Variants in INTS13 observed in about 807,000 individuals in gnomAD.
INTS13 encodes the protein integrator complex subunit 13.
A neutral mutation model predicts 90.2 loss-of-function variants in INTS13; 35 were observed. That is an observed-to-expected ratio of 0.39 (90% CI 0.30 to 0.51). INTS13 has a LOEUF of 0.51. Among genes scored for constraint, INTS13 ranks in the 20% least tolerant of loss-of-function variants. The pLI, the probability that INTS13 is intolerant of heterozygous loss-of-function variation, is 0.80. For synonymous variants in INTS13, 309 were observed against 277.1 expected, an observed-to-expected ratio of 1.11 and a Z score of -1.14; for missense variants, 601 against 851.2, an observed-to-expected ratio of 0.71 and a Z score of 3.66.
chr12:26,918,971 C>G (rs1462791759), intron 8 of INTS13: 1 of 272,502 alleles, frequency 3.7e-6, no homozygotes, highest in Non-Finnish European at 8.0e-6. Context: ...GGAAACTAGC[C>G]TGGGCAACAT....
At position 26,936,694 on chromosome 12, in the gene INTS13, C is replaced by T. The variant is rs749616147; in HGVS notation, c.110G>A (p.Arg37Lys). The change falls in exon 2 of 17, where the codon AGA (arginine) becomes AAA (lysine). Residue 37 changes from arginine (R) to lysine (K), a missense_variant. Physicochemically the swap from Arg to Lys is conservative, Grantham distance 26 (BLOSUM62 2). Transcript: ENST00000261191. Reference sequence around the variant, plus strand: ...GGCCAAAGGAATGATTCCTTGGGTTCTATTCTTCACCAGCATATCAAACTC... The same window carrying T: ...GGCCAAAGGAATGATTCCTTGGGTTTTATTCTTCACCAGCATATCAAACTC... The part of the protein sequence containing the change: ...HVEFDMLVKN[R>K]TQGIIPLAPI... The T allele has an allele frequency of 1.2e-6, 2 of 1,613,964 alleles. No individual in the cohort carries two copies. The highest frequency in any genetic ancestry group is 8.5e-7 in the Non-Finnish European group (1 of 1,179,886).
intron 10 of INTS13, among the ~76,000 whole-genome samples, chr12:26,916,683 TAAGAA>T (rs1462575682): frequency 6.6e-6 from 1 of 152,214 alleles, no homozygotes; most frequent in African/African-American, 2.4e-5. Flanking sequence ...TATGCTTAAC[TAAGAA>T]TGACATAACC....
At chr12:26,928,005 C>A (rs902440515) in intron 5 of INTS13, among the ~76,000 whole-genome samples, 200 bp downstream of exon 5, 1 of 152,090 alleles carries the variant, frequency 6.6e-6, no homozygotes, top group South Asian at 2.1e-4. Flanking sequence ...TCCTTTTGAT[C>A]ACCTTTCTTG....
At position 26,929,748 on chromosome 12, in the gene INTS13, GAAGA is replaced by G. The variant is rs1225192156; in HGVS notation, c.301-847_301-844del. Among the ~76,000 whole-genome samples, 3 of 145,478 alleles carry G rather than the reference GAAGA, an allele frequency of 2.1e-5. No homozygotes were observed. In the South Asian group the frequency reaches 6.5e-4, roughly 32 times the overall value. On this transcript the variant is annotated intron_variant, in intron 3 of 16. Coordinates refer to ENST00000261191, the MANE Select transcript of INTS13 (RefSeq NM_018164.3). ...GAAAGGAAGAAAGGAAGGAAGGAAA[GAAGA>G]AAGAAAGGAAGGAAGGAGAGAGAAA...
At position 26,913,468 on chromosome 12, in the gene INTS13, T is replaced by C; in HGVS notation, c.1794A>G (p.Gln598=). The part of the protein sequence containing the change: ...VKDYEQEKSW[Q]DSERLKGILE... Reference sequence around the variant, plus strand: ...TGCCAGGAAGTCACCTCTCTGAGTCTTGCCAAGACTTTTCCTGTTCATAAT... The same window carrying C: ...TGCCAGGAAGTCACCTCTCTGAGTCCTGCCAAGACTTTTCCTGTTCATAAT... Residue 598 remains glutamine, a synonymous_variant, in exon 14 of 17, where the codon CAA becomes CAG. Transcript: ENST00000261191. 1 of 1,614,128 alleles carries C rather than the reference T, an allele frequency of 6.2e-7. No individual in the cohort carries two copies. The highest frequency in any genetic ancestry group is 8.5e-7 in the Non-Finnish European group (1 of 1,180,006).
chr12:26,937,252 G>A (rs974275586), intron 1 of INTS13, among the ~76,000 whole-genome samples: 1 of 152,114 alleles, frequency 6.6e-6, no homozygotes, highest in Admixed American at 6.5e-5. Context: ...CAAGAAAAAC[G>A]TTTGAAGGGG....
At chr12:26,916,454 A>G (rs1565822768) in intron 10 of INTS13, among the ~76,000 whole-genome samples, 1 of 152,188 alleles carries the variant, frequency 6.6e-6, no homozygotes, top group Non-Finnish European at 1.5e-5. Context: ...GGTTCATCCA[A>G]TTACATGTAC....
Position 26,936,577 on chromosome 12 carries a change from A to C in INTS13, c.225+2T>G, listed in dbSNP as rs1341259389. The C allele has an allele frequency of 6.3e-7, 1 of 1,596,260 alleles. No individual in the cohort carries two copies. The highest frequency in any genetic ancestry group is 8.6e-7 in the Non-Finnish European group (1 of 1,164,202). ...ATGATTTTGTTTGTACTTCACACTC[A>C]CCAGCTTTTTGAAAGGAAATATATC... On this transcript the variant is annotated splice_donor_variant, in intron 2 of 16. Coordinates refer to ENST00000261191, the MANE Select transcript of INTS13 (RefSeq NM_018164.3). LOFTEE classifies it high-confidence loss of function.
chr12:26,933,923 A>G (rs1938324761), intron 3 of INTS13, among the ~76,000 whole-genome samples: 1 of 152,226 alleles, frequency 6.6e-6, no homozygotes, highest in African/African-American at 2.4e-5. Flanking sequence ...AACTAACCAT[A>G]TATATTACTT....
chr12:26,906,252 T>A (rs1373441936), intron 16 of INTS13, 50 bp downstream of exon 16: 1 of 1,517,482 alleles, frequency 6.6e-7, no homozygotes, highest in Non-Finnish European at 9.0e-7. Flanking sequence ...ATTGTTAAGG[T>A]ACTATACAGG....
chr12:26,937,194 G>A (rs1483612341), intron 1 of INTS13, among the ~76,000 whole-genome samples: 2 of 152,124 alleles, frequency 1.3e-5, no homozygotes, highest in African/African-American at 4.8e-5. Flanking sequence ...CTTGCTAATT[G>A]ACATTAGTCA....
At chr12:26,921,259 T>C (rs1952111640) in intron 8 of INTS13, among the ~76,000 whole-genome samples, 1 of 152,238 alleles carries the variant, frequency 6.6e-6, no homozygotes, top group African/African-American at 2.4e-5. Context: ...AGATGAGATC[T>C]ATGGATTGAA....
chr12:26,910,986 T>C (rs1298118088), intron 15 of INTS13, among the ~76,000 whole-genome samples, 192 bp downstream of exon 15: 4 of 152,024 alleles, frequency 2.6e-5, no homozygotes, highest in Admixed American at 2.6e-4. Context: ...CAGGTGTGTG[T>C]CACCATGCCC....
intron 4 of INTS13, 135 bp downstream of exon 4, chr12:26,928,568 A>T: frequency 8.0e-6 from 7 of 872,576 alleles, no homozygotes; most frequent in Non-Finnish European, 1.2e-5. Flanking sequence ...AAAAAAAAAA[A>T]GAAAAAAATC....
At chr12:26,907,240 T>C (rs1378954986) in intron 15 of INTS13, among the ~76,000 whole-genome samples, 2 of 152,206 alleles carry the variant, frequency 1.3e-5, no homozygotes, top group East Asian at 3.8e-4. Context: ...ACTGTGACAG[T>C]ACTGGATTGG....
chr12:26,911,734 T>C (rs914077173), intron 14 of INTS13, among the ~76,000 whole-genome samples: 2 of 152,204 alleles, frequency 1.3e-5, no homozygotes, highest in East Asian at 1.9e-4. Context: ...ATTGTGTAGA[T>C]GTATTTATGT....
intron 3 of INTS13, among the ~76,000 whole-genome samples, chr12:26,929,496 C>A (rs1938069750): frequency 6.7e-6 from 1 of 149,360 alleles, no homozygotes; most frequent in South Asian, 2.1e-4. Context: ...CAAGGCAGGA[C>A]AATTGCTCGA....
At chr12:26,930,381 T>C (rs1007131494) in intron 3 of INTS13, among the ~76,000 whole-genome samples, 3 of 152,196 alleles carry the variant, frequency 2.0e-5, no homozygotes, top group African/African-American at 7.2e-5. Context: ...ACACTTCCTA[T>C]TTTTAAAACT....
Position 26,916,125 on chromosome 12 carries a change from A to T in INTS13, c.1125T>A (p.His375Gln). 6.2e-7 allele frequency: 1 copy of T among 1,613,832 alleles called. No homozygotes were observed. The highest frequency in any genetic ancestry group is 8.5e-7 in the Non-Finnish European group (1 of 1,179,908). ...TCTCTCCTCCATGGCTACTAAGCAT[A>T]TGACTAATGACTTTAGAACCTGACT... ...PRKSGSKVIS[H>Q]MLSSHGGEIF... The change falls in exon 11 of 17, where the codon CAT (histidine) becomes CAA (glutamine). Residue 375 changes from histidine (H) to glutamine (Q), a missense_variant. This residue lies in a region of INTS13 where 89 missense variants were observed against 191.0 expected (regional missense o/e 0.47). Transcript: ENST00000261191.
Sources: allele counts gnomAD v4.1 joint callset (sites outside exome capture counted in the v4.1 genomes callset), GRCh38; gene constraint gnomAD v4.1.1; regional missense constraint gnomAD v4.1.1; transcripts MANE v1.5; gene names NCBI Gene and HGNC (gene_info 2026-07-23, HGNC 2026-07-21).